TMEM123: variants seen among roughly 807,000 people sequenced by gnomAD.
The protein encoded by TMEM123 is porimin.
A neutral mutation model predicts 19.7 loss-of-function variants in TMEM123; 16 were observed. The ratio of observed to expected loss-of-function variants is 0.81; its 90% CI spans 0.55 to 1.23. The LOEUF is 1.23. Among genes scored for constraint, TMEM123 ranks in the 50% most tolerant of loss-of-function variants. TMEM123 has a pLI of 0.00. For synonymous variants in TMEM123, 118 were observed against 99.4 expected, an observed-to-expected ratio of 1.19 and a Z score of -1.12; for missense variants, 313 against 257.8, an observed-to-expected ratio of 1.21 and a Z score of -1.47.
chr11:102,419,216 T>C (rs1225713990), intron 2 of TMEM123, among the ~76,000 whole-genome samples: 1 of 152,208 alleles, frequency 6.6e-6, no homozygotes, highest in Non-Finnish European at 1.5e-5. Flanking sequence ...ATGTTTACTA[T>C]TCTAAAAATT....
At chr11:102,399,161 C>G (rs543603376) in intron 4 of TMEM123, among the ~76,000 whole-genome samples, 4 of 152,326 alleles carry the variant, frequency 2.6e-5, no homozygotes, top group East Asian at 1.9e-4. Context: ...ATATTTCTTT[C>G]TAGCTGGTCA....
intron 2 of TMEM123, among the ~76,000 whole-genome samples, chr11:102,403,464 C>T (rs568297811): frequency 6.6e-6 from 1 of 152,178 alleles, no homozygotes; most frequent in Non-Finnish European, 1.5e-5. Flanking sequence ...ATTTAACTAA[C>T]GTTTACAACT....
intron 1 of TMEM123, 179 bp downstream of exon 1, chr11:102,452,345 A>G: frequency 2.2e-6 from 1 of 444,834 alleles, no homozygotes; most frequent in Non-Finnish European, 3.8e-6. Flanking sequence ...CCCCGGGGCC[A>G]GCGGGTGACT....
chr11:102,410,377 G>GGATGAGACTAC (rs1951994598), intron 2 of TMEM123, among the ~76,000 whole-genome samples: 1 of 152,048 alleles, frequency 6.6e-6, no homozygotes, highest in Non-Finnish European at 1.5e-5. Context: ...GCTTCCTAGG[G>GGATGAGACTAC]GATGAGACTA....
intron 2 of TMEM123, among the ~76,000 whole-genome samples, chr11:102,422,609 T>C (rs1322195148): frequency 6.6e-6 from 1 of 152,212 alleles, no homozygotes; most frequent in East Asian, 1.9e-4. Context: ...TCTTGAATTC[T>C]GGGTTTATCA....
chr11:102,431,965 G>A (rs1026253080), intron 2 of TMEM123, among the ~76,000 whole-genome samples: 2 of 152,184 alleles, frequency 1.3e-5, no homozygotes, highest in African/African-American at 4.8e-5. Context: ...TGCCATGATT[G>A]TGAGTTTCCT....
At chr11:102,399,570 A>G (rs1406256075) in intron 4 of TMEM123, among the ~76,000 whole-genome samples, 1 of 152,232 alleles carries the variant, frequency 6.6e-6, no homozygotes, top group Non-Finnish European at 1.5e-5. Flanking sequence ...GTTTGAGCCT[A>G]CAGCCATGCC....
At chr11:102,401,726 G>C in intron 3 of TMEM123, 34 bp from the exon 4 acceptor site, 2 of 1,543,452 alleles carry the variant, frequency 1.3e-6, no homozygotes, top group East Asian at 2.3e-5. Flanking sequence ...GGGCTTTAGC[G>C]TTATTTTTTT....
At chr11:102,413,236 T>C (rs558019032) in intron 2 of TMEM123, among the ~76,000 whole-genome samples, 26 of 152,368 alleles carry the variant, frequency 1.7e-4, no homozygotes, top group African/African-American at 6.0e-4. Context: ...GTGAGACTTA[T>C]ACTTCAGAAG....
chr11:102,411,614 T>C (rs1322024244), intron 2 of TMEM123, among the ~76,000 whole-genome samples: 1 of 151,214 alleles, frequency 6.6e-6, no homozygotes, highest in Non-Finnish European at 1.5e-5. Context: ...TCCAGATAGG[T>C]AGTAGATAGA....
intron 2 of TMEM123, 25 bp from the exon 3 acceptor site, chr11:102,402,231 A>G (rs1206350935): frequency 6.2e-7 from 1 of 1,604,676 alleles, no homozygotes; most frequent in Non-Finnish European, 8.5e-7. Context: ...AGAAACATTA[A>G]AACCAGAGCT....
chr11:102,407,867 T>G (rs1157276595), intron 2 of TMEM123, among the ~76,000 whole-genome samples: 44 of 152,228 alleles, frequency 2.9e-4, no homozygotes, highest in Admixed American at 2.9e-3. Context: ...GCCACCCAGT[T>G]TCTGGTACTT....
chr11:102,451,237 G>T (rs1857935848), intron 1 of TMEM123: 1 of 152,178 alleles, frequency 6.6e-6, no homozygotes, highest in Admixed American at 6.5e-5. Flanking sequence ...AAACAGTAAG[G>T]CTTATCTTCA....
chr11:102,405,041 C>A (rs1342865469), intron 2 of TMEM123, among the ~76,000 whole-genome samples: 1 of 151,090 alleles, frequency 6.6e-6, no homozygotes, highest in Non-Finnish European at 1.5e-5. Flanking sequence ...TGAGTATGAC[C>A]TATTTTCTTT....
At chr11:102,427,080 T>G (rs1408981681) in intron 2 of TMEM123, among the ~76,000 whole-genome samples, 1 of 151,576 alleles carries the variant, frequency 6.6e-6, no homozygotes, top group Non-Finnish European at 1.5e-5. Context: ...TTTTTTTTTT[T>G]GCTGGTTCTC....
At chr11:102,435,267 C>T (rs12146693) in intron 2 of TMEM123, among the ~76,000 whole-genome samples, 5,691 of 151,832 alleles carry the variant, frequency 0.037, 226 homozygotes, top group Middle Eastern at 0.11. Flanking sequence ...AAAAGACAAC[C>T]CAATTTAAAA....
chr11:102,428,400 T>G (rs759075090), intron 2 of TMEM123, among the ~76,000 whole-genome samples: 4 of 151,944 alleles, frequency 2.6e-5, no homozygotes, highest in Non-Finnish European at 5.9e-5. Context: ...CTCCAGGGTT[T>G]AAGCAATTCT....
intron 2 of TMEM123, among the ~76,000 whole-genome samples, chr11:102,406,702 T>C (rs1159363989): frequency 1.3e-5 from 2 of 151,874 alleles, no homozygotes; most frequent in Admixed American, 6.6e-5. Context: ...AAACCCCGTC[T>C]CTACCAAAAA....
At chr11:102,409,897 CAAA>C (rs34000649) in intron 2 of TMEM123, among the ~76,000 whole-genome samples, 4 of 124,892 alleles carry the variant, frequency 3.2e-5, no homozygotes, top group Non-Finnish European at 6.9e-5. Context: ...AATCTAGATT[CAAA>C]AAAAAAAAAA....
Sources: gnomAD v4.1 joint callset for allele counts (sites outside exome capture counted in the v4.1 genomes callset) on GRCh38, gnomAD v4.1.1 for gene constraint, MANE v1.5 for transcripts, NCBI Gene and HGNC (gene_info 2026-07-23, HGNC 2026-07-21) for gene names.